RPL9: variants seen among roughly 807,000 people sequenced by gnomAD.
RPL9 encodes ribosomal protein L9, also known as large ribosomal subunit protein uL6.
For synonymous variants in RPL9, 82 were observed against 77.1 expected, an observed-to-expected ratio of 1.06 and a Z score of -0.33; for missense variants, 149 against 236.7, an observed-to-expected ratio of 0.63 and a Z score of 2.43.
intron 4 of RPL9, chr4:39,457,001 A>C (rs548010152): frequency 6.2e-6 from 1 of 160,980 alleles, no homozygotes; most frequent in African/African-American, 2.4e-5. Context: ...GTATAATGCA[A>C]AGAAAACCAT....
chr4:39,458,560 A>T, intron 1 of RPL9, 120 bp from the exon 2 acceptor site: 1 of 1,059,944 alleles, frequency 9.4e-7, no homozygotes, highest in Non-Finnish European at 1.4e-6. Flanking sequence ...AAGATGTCGG[A>T]GGACGGGAGA....
In RPL9 at chr4:39,458,666, TG is replaced by T. The variant is rs1272159962; in HGVS notation, c.-2+224del. ...GTCGAACTCCCACTCAGCCCAACCC[TG>T]GAAGTCCTATGCGGGCGGTGCCATC... On this transcript the variant is annotated intron_variant, in intron 1 of 7. Coordinates refer to ENST00000295955, the MANE Select transcript of RPL9 (RefSeq NM_000661.5). 5 of 623,020 alleles carry T rather than the reference TG, an allele frequency of 8.0e-6. No homozygotes were observed. In the East Asian group the frequency reaches 1.4e-4, roughly 17 times the overall value. The allele number at this position is 623,020 out of a possible 1,614,324, so 38.6% of individuals were successfully genotyped here.
chr4:39,456,057 T>C (rs1560659394), intron 5 of RPL9: 2 of 324,148 alleles, frequency 6.2e-6, no homozygotes, highest in South Asian at 2.6e-5. Context: ...CCACAGAATA[T>C]GCATGTGTTG....
intron 1 of RPL9, chr4:39,458,652 A>C: frequency 1.6e-6 from 1 of 624,022 alleles, no homozygotes; most frequent in Non-Finnish European, 2.8e-6. Flanking sequence ...TCGAACTCCC[A>C]CTCAGCCCAA....
chr4:39,456,610 AT>A, intron 4 of RPL9, 72 bp from the exon 5 acceptor site: 1 of 1,510,248 alleles, frequency 6.6e-7, no homozygotes, highest in Non-Finnish European at 9.0e-7. Context: ...ATTTTCTAAG[AT>A]GCTTATACTT....
intron 1 of RPL9, 159 bp downstream of exon 1, chr4:39,458,732 C>T (rs11550000): frequency 1.5e-6 from 1 of 654,036 alleles, no homozygotes; most frequent in Non-Finnish European, 2.8e-6. Flanking sequence ...AAAAAGCCCA[C>T]AACAGGATTC....
intron 7 of RPL9, 134 bp from the exon 8 acceptor site, chr4:39,454,359 T>G (rs1480238570): frequency 3.5e-6 from 2 of 579,670 alleles, no homozygotes; most frequent in African/African-American, 3.8e-5. Context: ...CATAGTAAAC[T>G]ATACGTAGTA....
At position 39,458,887 on chromosome 4, in the gene RPL9, T is replaced by C. The variant is rs192165699; in HGVS notation, c.-2+4A>G. On this transcript the variant is annotated splice_donor_region_variant and intron_variant, in intron 1 of 7. Transcript: ENST00000295955. The stretch of plus-strand genomic sequence containing the variant: ...TACCCCCACGAGCACAGAAACATCC[T>C]TACCTCGCAGTAGACGCAGCAAAGA... 183 of 702,254 alleles carry C rather than the reference T, an allele frequency of 2.6e-4. No homozygotes were observed. Among genetic ancestry groups the C allele is most frequent in the African/African-American group, 1.8e-3 (105 of 57,376 alleles). The allele number at this position is 702,254 out of a possible 1,614,324, so 43.5% of individuals were successfully genotyped here.
rs1012715855 is a variant in RPL9 at position 39,458,877 on chromosome 4, A to G, written c.-2+14T>C. 1.4e-6 allele frequency: 1 copy of G among 700,768 alleles called. No homozygotes were observed. The highest frequency in any genetic ancestry group is 2.6e-6 in the Non-Finnish European group (1 of 384,442). The allele number at this position is 700,768 out of a possible 1,614,324, so 43.4% of individuals were successfully genotyped here. On this transcript the variant is annotated intron_variant, in intron 1 of 7. Transcript: ENST00000295955. ...AGATTCCCAGTACCCCCACGAGCAC[A>G]GAAACATCCTTACCTCGCAGTAGAC... is the stretch of plus-strand genomic sequence containing the variant.
intron 7 of RPL9, 30 bp from the exon 8 acceptor site, chr4:39,454,255 C>G: frequency 8.7e-6 from 2 of 230,400 alleles, no homozygotes; most frequent in Non-Finnish European, 1.7e-5. Context: ...ATCTGTAAAT[C>G]CCCATCAATA....
At chr4:39,458,547 G>A in intron 1 of RPL9, 107 bp from the exon 2 acceptor site, 4 of 1,240,572 alleles carry the variant, frequency 3.2e-6, no homozygotes, top group Admixed American at 3.9e-5. Context: ...GGAAGTTCCA[G>A]ACAAGATGTC....
At chr4:39,454,440 C>G in intron 7 of RPL9, 93 bp downstream of exon 7, 1 of 955,604 alleles carries the variant, frequency 1.0e-6, no homozygotes, top group Non-Finnish European at 1.5e-6. Flanking sequence ...TCTCCATTTT[C>G]TATTACTACA....
chr4:39,458,330 G>A, intron 2 of RPL9, 21 bp from the exon 3 acceptor site: 2 of 1,613,668 alleles, frequency 1.2e-6, no homozygotes, highest in Non-Finnish European at 8.5e-7. Context: ...GAACACACTC[G>A]TCAGGCCACA....
chr4:39,454,660 G>A lies in RPL9; in HGVS notation c.473-11C>T. The stretch of plus-strand genomic sequence containing the variant: ...GCTGAATCAAAGCCGCTATAGGAGT[G>A]AAGATAAAGCAATTAATACATCAGC... On this transcript the variant is annotated splice_polypyrimidine_tract_variant and intron_variant, in intron 6 of 7. Transcript: ENST00000295955. 1 of 1,605,974 alleles carries A rather than the reference G, an allele frequency of 6.2e-7. No homozygotes were observed. Among genetic ancestry groups the A allele is most frequent in the Non-Finnish European group, 8.5e-7 (1 of 1,175,088 alleles).
At chr4:39,458,134 T>C (rs2109859463) in intron 3 of RPL9, 60 bp downstream of exon 3, 4 of 1,523,530 alleles carry the variant, frequency 2.6e-6, no homozygotes, top group Non-Finnish European at 3.6e-6. Flanking sequence ...CAACCAAATG[T>C]GATGCTGTTA....
intron 4 of RPL9, 170 bp downstream of exon 4, chr4:39,457,416 C>T: frequency 1.7e-6 from 1 of 575,842 alleles, no homozygotes; most frequent in Non-Finnish European, 3.1e-6. Flanking sequence ...GGTCTTTGCT[C>T]TCAGCTCTAT....
chr4:39,456,322 T>A, intron 5 of RPL9, 84 bp downstream of exon 5: 1 of 1,480,592 alleles, frequency 6.8e-7, no homozygotes, highest in South Asian at 1.1e-5. Flanking sequence ...AACAGCCAAC[T>A]AAAGTATGGA....
intron 3 of RPL9, chr4:39,457,970 T>C (rs1250484631): frequency 1.0e-5 from 7 of 682,592 alleles, no homozygotes; most frequent in Non-Finnish European, 1.6e-5. Context: ...TCTAACACCA[T>C]TAAGACGTGT....
At chr4:39,458,163 GC>G in intron 3 of RPL9, 30 bp downstream of exon 3, 1 of 1,606,470 alleles carries the variant, frequency 6.2e-7, no homozygotes, top group South Asian at 1.1e-5. Flanking sequence ...CTTCCAACGA[GC>G]AACTGAATTA....
Sources: allele counts gnomAD v4.1 joint callset, GRCh38; gene constraint gnomAD v4.1.1; transcripts MANE v1.5; gene names NCBI Gene and HGNC (gene_info 2026-07-23, HGNC 2026-07-21).